Variants in TNRC6B observed in about 807,000 individuals in gnomAD.
TNRC6B encodes trinucleotide repeat containing adaptor 6B.
TNRC6B carries 52 observed loss-of-function variants against 203.6 expected under a neutral mutation model. That is an observed-to-expected ratio of 0.26 (90% CI 0.20 to 0.32). TNRC6B has a LOEUF of 0.32. Ranked by LOEUF, TNRC6B falls within the 10% of genes least tolerant of loss-of-function variation. TNRC6B has a pLI of 1.00. For missense variants in TNRC6B, 1,923 were observed against 2,286.2 expected (o/e 0.84, Z 3.24); for synonymous variants, 838 against 845.7 (o/e 0.99, Z 0.16).
chr22:40,242,798 C>T (rs2070049750), intron 1 of TNRC6B, among the ~76,000 whole-genome samples: 1 of 152,040 alleles, frequency 6.6e-6, no homozygotes, highest in Non-Finnish European at 1.5e-5. Context: ...TCACCACCCC[C>T]ATGGACGCCT....
chr22:40,081,989 C>G lies in TNRC6B; in HGVS notation c.-120-35066C>G, dbSNP rs553590856. On this transcript the variant is annotated intron_variant, in intron 1 of 23. Transcript: ENST00000301923. ...CATTCAAAGCAACAACAACAAAATA[C>G]TGAGTTTTTATCACAAGCTAGCCGC... is the stretch of plus-strand genomic sequence containing the variant. Among the ~76,000 whole-genome samples, 8 of 152,026 alleles carry G rather than the reference C, an allele frequency of 5.3e-5. No individual in the cohort carries two copies. In the South Asian group the frequency reaches 1.7e-3, roughly 32 times the overall value.
chr22:40,302,782 G>T (rs1297932370), intron 15 of TNRC6B, among the ~76,000 whole-genome samples: 1 of 152,160 alleles, frequency 6.6e-6, no homozygotes, highest in African/African-American at 2.4e-5. Context: ...ACTTCAAGGT[G>T]TTCTTGATCT....
At chr22:40,063,138 A>C (rs1318048569) in intron 1 of TNRC6B, among the ~76,000 whole-genome samples, 1 of 152,100 alleles carries the variant, frequency 6.6e-6, no homozygotes, top group African/African-American at 2.4e-5. Flanking sequence ...ATTCTTTTGC[A>C]TGGGGATATA....
intron 9 of TNRC6B, among the ~76,000 whole-genome samples, 187 bp from the exon 10 acceptor site, chr22:40,279,808 A>G (rs776528127): frequency 2.6e-5 from 4 of 152,192 alleles, no homozygotes; most frequent in African/African-American, 4.8e-5. Context: ...AAAAGGACCC[A>G]TGTGTGTTCC....
At chr22:40,245,326 A>C (rs1272635371) in intron 1 of TNRC6B, among the ~76,000 whole-genome samples, 1 of 152,044 alleles carries the variant, frequency 6.6e-6, no homozygotes, top group African/African-American at 2.4e-5. Flanking sequence ...CCTGACCTCA[A>C]GTGATCTGTC....
At chr22:40,047,407 G>C (rs2067699718) in intron 1 of TNRC6B, among the ~76,000 whole-genome samples, 1 of 150,360 alleles carries the variant, frequency 6.7e-6, no homozygotes, top group African/African-American at 2.5e-5. Flanking sequence ...TTGGAGACCA[G>C]CGTGGCCAAC....
At chr22:40,169,694 G>C (rs534125872) in intron 4 of TNRC6B, among the ~76,000 whole-genome samples, 1 of 152,212 alleles carries the variant, frequency 6.6e-6, no homozygotes, top group Admixed American at 6.5e-5. Flanking sequence ...ACCAGGAAGA[G>C]CTTCTAGAAA....
chr22:40,204,309 CTG>C (rs1244026278), intron 1 of TNRC6B, among the ~76,000 whole-genome samples: 1 of 152,204 alleles, frequency 6.6e-6, no homozygotes, highest in African/African-American at 2.4e-5. Context: ...ATGTAAGCCT[CTG>C]GCATTTATTC....
intron 4 of TNRC6B, among the ~76,000 whole-genome samples, chr22:40,171,946 C>T (rs904232185): frequency 6.6e-6 from 1 of 152,114 alleles, no homozygotes; most frequent in Non-Finnish European, 1.5e-5. Flanking sequence ...CTGCAGCCTC[C>T]GCCTCCTGGG....
rs554524682 is a variant in TNRC6B, at chr22:40,159,091, T to C, written c.113+2909T>C. The stretch of plus-strand genomic sequence containing the variant: ...CATTCTCCTGCCTCAGCCTCCCGAG[T>C]AGCTGGGACTACAGGCGCCCACCAT... On this transcript the variant is annotated intron_variant, in intron 4 of 23. Transcript: ENST00000301923. Among the ~76,000 whole-genome samples, 124 of 151,230 alleles carry C rather than the reference T, an allele frequency of 8.2e-4. 5 individuals carry two copies. In the South Asian group the frequency reaches 0.026, roughly 31 times the overall value.
At chr22:40,296,676 G>T (rs2070948483) in intron 12 of TNRC6B, among the ~76,000 whole-genome samples, 2 of 148,228 alleles carry the variant, frequency 1.3e-5, no homozygotes, top group African/African-American at 2.5e-5. Context: ...TGTCCAGGCT[G>T]GAGTGCAGTG....
intron 5 of TNRC6B, among the ~76,000 whole-genome samples, chr22:40,269,477 C>T (rs570413379): frequency 6.6e-6 from 1 of 152,172 alleles, no homozygotes; most frequent in Admixed American, 6.5e-5. Flanking sequence ...TTGGTCTAAC[C>T]AGTCCCCTTG....
chr22:40,150,474 C>T (rs769109616), intron 3 of TNRC6B, among the ~76,000 whole-genome samples: 1 of 152,048 alleles, frequency 6.6e-6, no homozygotes, highest in African/African-American at 2.4e-5. Flanking sequence ...AAGAGATGCC[C>T]GACAAAGTTT....
intron 6 of TNRC6B, among the ~76,000 whole-genome samples, 192 bp from the exon 7 acceptor site, chr22:40,273,233 C>G (rs2070589166): frequency 1.3e-5 from 2 of 152,184 alleles, no homozygotes; most frequent in South Asian, 4.1e-4. Context: ...TGTTAACTTT[C>G]TGTGTATCAT....
intron 3 of TNRC6B, among the ~76,000 whole-genome samples, chr22:40,253,416 T>C (rs1436292300): frequency 6.6e-6 from 1 of 151,912 alleles, no homozygotes; most frequent in Non-Finnish European, 1.5e-5. Context: ...TAGAAAAAAT[T>C]TGGGAGGGGT....
At chr22:40,313,084 A>T in intron 19 of TNRC6B, 87 bp downstream of exon 19, 1 of 1,028,542 alleles carries the variant, frequency 9.7e-7, no homozygotes, top group Non-Finnish European at 1.5e-6. Flanking sequence ...GTATTTCATA[A>T]GATATACTCT....
intron 1 of TNRC6B, among the ~76,000 whole-genome samples, chr22:40,233,497 C>T (rs2069907410): frequency 6.6e-6 from 1 of 151,702 alleles, no homozygotes; most frequent in African/African-American, 2.4e-5. Context: ...TTTCATGTGC[C>T]TGTGGTCCCA....
rs1476520145 is a variant in TNRC6B at position 40,331,284 on chromosome 22, T to G, written c.*8043T>G. ...TTTTGAAGAGTTAAGATTGAAGTGT[T>G]TGAGAAAGAAAAGAGAAAAATCTGA... On this transcript the variant is annotated 3_prime_UTR_variant, in exon 23 of 23. Transcript: ENST00000454349. 1 of 157,898 alleles carries G rather than the reference T, an allele frequency of 6.3e-6. No individual in the cohort carries two copies. The highest frequency in any genetic ancestry group is 6.5e-5 in the Admixed American group (1 of 15,418). The allele number at this position is 157,898 out of a possible 1,614,324, so 9.8% of individuals were successfully genotyped here.
chr22:40,174,267 C>T (rs1025923790), upstream of TNRC6B, among the ~76,000 whole-genome samples: 1 of 151,794 alleles, frequency 6.6e-6, no homozygotes, highest in Non-Finnish European at 1.5e-5. Flanking sequence ...GCAGCCTCCA[C>T]CTTCTGGCTT....
Sources: allele counts gnomAD v4.1 joint callset (sites outside exome capture counted in the v4.1 genomes callset), GRCh38; gene constraint gnomAD v4.1.1; transcripts MANE v1.5; gene names NCBI Gene and HGNC (gene_info 2026-07-23, HGNC 2026-07-21).